Variants in SMYD3 observed in about 807,000 individuals in gnomAD.
SMYD3 encodes histone-lysine N-methyltransferase SMYD3.
SMYD3 carries 36 observed loss-of-function variants against 57.7 expected under a neutral mutation model. That is an observed-to-expected ratio of 0.62 (90% CI 0.48 to 0.82). The LOEUF is 0.82. SMYD3 is among the 40% of genes least tolerant of loss of function. The probability of loss-of-function intolerance (pLI) is 0.00; values close to 1 mark genes in which losing one functional copy is unlikely to be tolerated. For missense variants in SMYD3, 515 were observed against 538.8 expected (o/e 0.96, Z 0.44); for synonymous variants, 211 against 195.0 (o/e 1.08, Z -0.68).
At chr1:246,075,170 A>C (rs1187859332) in intron 5 of SMYD3, among the ~76,000 whole-genome samples, 1 of 152,218 alleles carries the variant, frequency 6.6e-6, no homozygotes, top group Non-Finnish European at 1.5e-5. Context: ...AAGAAAAGAC[A>C]GGAAAATATG....
At chr1:246,120,671 T>C (rs2061411151) in intron 5 of SMYD3, among the ~76,000 whole-genome samples, 2 of 152,216 alleles carry the variant, frequency 1.3e-5, no homozygotes, top group South Asian at 4.1e-4. Flanking sequence ...ATTGGCTAGA[T>C]GGCCAATATT....
chr1:246,462,648 G>C (rs2067819899), intron 1 of SMYD3, among the ~76,000 whole-genome samples: 1 of 152,172 alleles, frequency 6.6e-6, no homozygotes, highest in African/African-American at 2.4e-5. Context: ...CTGGAGCTGA[G>C]AGAAGGGTCA....
At chr1:245,823,571 A>T (rs909486391) in intron 10 of SMYD3, among the ~76,000 whole-genome samples, 10 of 152,254 alleles carry the variant, frequency 6.6e-5, no homozygotes, top group Admixed American at 6.5e-5. Flanking sequence ...AAATTCAGCC[A>T]TATGGACAAT....
chr1:246,273,161 T>TTTTTTTTTTTTTTTTTG (rs2064258201), intron 5 of SMYD3, among the ~76,000 whole-genome samples: 1 of 131,080 alleles, frequency 7.6e-6, no homozygotes, highest in Non-Finnish European at 1.6e-5. Context: ...TTCTTTTTTT[T>TTTTTTTTTTTTTTTTTG]GGGGGGGGGA....
chr1:246,037,025 T>A (rs1457669184), intron 5 of SMYD3, among the ~76,000 whole-genome samples: 1 of 152,136 alleles, frequency 6.6e-6, no homozygotes, highest in East Asian at 1.9e-4. Flanking sequence ...TGTAGCATAA[T>A]TTATATAACC....
intron 5 of SMYD3, among the ~76,000 whole-genome samples, chr1:246,029,615 T>C (rs2059632581): frequency 6.9e-6 from 1 of 144,428 alleles, no homozygotes; most frequent in Non-Finnish European, 1.5e-5. Context: ...GAGGTTGCAG[T>C]GAGCCAAGAT....
At chr1:246,358,641 G>T (rs1418528880) in intron 1 of SMYD3, among the ~76,000 whole-genome samples, 2 of 152,036 alleles carry the variant, frequency 1.3e-5, no homozygotes, top group African/African-American at 4.8e-5. Flanking sequence ...GAATAAAATT[G>T]GAAATTAACT....
chr1:245,984,324 T>C (rs1480494145), intron 5 of SMYD3, among the ~76,000 whole-genome samples: 1 of 152,190 alleles, frequency 6.6e-6, no homozygotes, highest in Non-Finnish European at 1.5e-5. Flanking sequence ...CAGGATTCAA[T>C]GGACAAAACT....
At chr1:246,231,444 T>A (rs572651717) in intron 5 of SMYD3, among the ~76,000 whole-genome samples, 4 of 152,188 alleles carry the variant, frequency 2.6e-5, no homozygotes, top group Non-Finnish European at 5.9e-5. Context: ...ATAACAAATT[T>A]TATGCACCAA....
At chr1:246,265,160 G>A (rs2064080697) in intron 5 of SMYD3, among the ~76,000 whole-genome samples, 1 of 152,166 alleles carries the variant, frequency 6.6e-6, no homozygotes, top group South Asian at 2.1e-4. Flanking sequence ...TTTCGAGACA[G>A]GGTCTTTCTC....
chr1:246,051,425 T>C (rs1177206295), intron 5 of SMYD3, among the ~76,000 whole-genome samples: 1 of 152,102 alleles, frequency 6.6e-6, no homozygotes, highest in Non-Finnish European at 1.5e-5. Flanking sequence ...CCAGCCAATA[T>C]TAACTTATTT....
chr1:246,266,793 G>A (rs191631589), intron 5 of SMYD3, among the ~76,000 whole-genome samples: 1 of 134,938 alleles, frequency 7.4e-6, no homozygotes, highest in Non-Finnish European at 1.6e-5. Flanking sequence ...GAAAGAAAGA[G>A]AGAAAGAGAG....
At chr1:246,398,094 C>T (rs80249009) in intron 1 of SMYD3, among the ~76,000 whole-genome samples, 4,169 of 152,236 alleles carry the variant, frequency 0.027, 77 homozygotes, top group Non-Finnish European at 0.041. Flanking sequence ...ACAATAGAGA[C>T]GTCATCTGTA....
intron 5 of SMYD3, among the ~76,000 whole-genome samples, chr1:246,158,068 G>T (rs533009135): frequency 6.6e-6 from 1 of 152,352 alleles, no homozygotes; most frequent in South Asian, 2.1e-4. Context: ...GGGAGCACTA[G>T]CTGGGGAAGC....
At position 245,915,628 on chromosome 1, in the gene SMYD3, A is replaced by G; in HGVS notation, c.715T>C (p.Tyr239His). The G allele has an allele frequency of 6.2e-7, 1 of 1,613,072 alleles. No individual in the cohort carries two copies. Among genetic ancestry groups the G allele is most frequent in the East Asian group, 2.2e-5 (1 of 44,868 alleles). The change falls in exon 8 of 12, where the codon TAC becomes CAC. Residue 239 changes from tyrosine to histidine, a missense_variant. Transcript: ENST00000490107. ...TCACTGGTCATCAGCATATCCAGGT[A>G]GCAGATGGTGAGCTGTGCAGGCCAG... The part of the protein sequence containing the change: ...IEVGEELTIC[Y>H]LDMLMTSEER...
At position 245,793,113 on chromosome 1, in the gene SMYD3, T is replaced by C. The variant is rs763575676; in HGVS notation, c.1077-28964A>G. On this transcript the variant is annotated intron_variant, in intron 10 of 11. Transcript: ENST00000490107. ...TCACGAAATCAGGAGATCAAGACCA[T>C]CCTGGCTAACACGGTGAAACCCCGT... Among the ~76,000 whole-genome samples, 37 of 141,720 alleles carry C rather than the reference T, an allele frequency of 2.6e-4. No homozygotes were observed. The East Asian group carries it at 6.6e-3, about 25-fold the overall frequency. 93.0% of individuals were successfully genotyped at this position (141,720 alleles called of 152,430 possible).
intron 5 of SMYD3, among the ~76,000 whole-genome samples, chr1:246,205,844 A>G (rs138748190): frequency 2.6e-4 from 39 of 152,208 alleles, no homozygotes; most frequent in African/African-American, 9.4e-4. Flanking sequence ...CAACAACAAC[A>G]AGAGCAAACT....
intron 5 of SMYD3, among the ~76,000 whole-genome samples, chr1:246,011,673 C>T (rs1374733766): frequency 6.6e-6 from 1 of 152,138 alleles, no homozygotes; most frequent in Admixed American, 6.5e-5. Context: ...TAACTTATGC[C>T]ATGGTAATTC....
chr1:246,000,234 C>T (rs1293531575), intron 5 of SMYD3, among the ~76,000 whole-genome samples: 1 of 152,160 alleles, frequency 6.6e-6, no homozygotes, highest in African/African-American at 2.4e-5. Context: ...TTGTGCCCCA[C>T]CCTCTTTCTT....
Sources: gnomAD v4.1 joint callset for allele counts (sites outside exome capture counted in the v4.1 genomes callset) on GRCh38, gnomAD v4.1.1 for gene constraint, MANE v1.5 for transcripts, NCBI Gene and HGNC (gene_info 2026-07-23, HGNC 2026-07-21) for gene names.